PSG1: variants seen among roughly 807,000 people sequenced by gnomAD.
The protein encoded by PSG1 is pregnancy specific beta-1-glycoprotein 1.
PSG1 carries 60 observed loss-of-function variants against 41.4 expected under a neutral mutation model. The ratio of observed to expected loss-of-function variants is 1.45; its 90% confidence interval spans 1.18 to 1.80. The LOEUF (loss-of-function observed/expected upper bound fraction) is 1.80, where lower values mean the gene tolerates loss of function less well. Ranked by LOEUF, PSG1 falls within the 40% of genes most tolerant of loss-of-function variation. The pLI is 0.00. For missense variants in PSG1, 806 were observed against 516.9 expected (o/e 1.56, Z -5.42); for synonymous variants, 256 against 192.9 (o/e 1.33, Z -2.71).
intron 5 of PSG1, chr19:42,867,398 T>C (rs971373993): frequency 8.7e-6 from 5 of 574,268 alleles, no homozygotes; most frequent in African/African-American, 7.5e-5. Context: ...AATTTTCTTT[T>C]CTCTAAGTTT....
intron 2 of PSG1, among the ~76,000 whole-genome samples, chr19:42,872,963 G>A (rs1338698329): frequency 4.0e-5 from 6 of 151,736 alleles, no homozygotes; most frequent in African/African-American, 1.5e-4. Flanking sequence ...AAGAAGTCTT[G>A]CAGATACTTT....
chr19:42,868,496 G>A (rs932682057), intron 4 of PSG1, 141 bp from the exon 5 acceptor site: 27 of 1,486,524 alleles, frequency 1.8e-5, no homozygotes, highest in African/African-American at 9.9e-5. Context: ...TCACTGAGCC[G>A]AATCCTGAGG....
chr19:42,868,238 T>C lies in PSG1; in HGVS notation c.1106A>G (p.Asn369Ser), dbSNP rs775684159. 1 of 1,612,318 alleles carries C rather than the reference T, an allele frequency of 6.2e-7. No homozygotes were observed. Among genetic ancestry groups the C allele is most frequent in the Non-Finnish European group, 8.5e-7 (1 of 1,179,144 alleles). ...NPPAQYSWTI[N>S]EKFQLPGQKL... ...TTGTCCTGGTAGCTGAAACTTTTCATTAATTGTCCAAGAATACTGTGCCGG... is the reference window on the plus strand; with the variant it reads ...TTGTCCTGGTAGCTGAAACTTTTCACTAATTGTCCAAGAATACTGTGCCGG... Residue 369 changes from asparagine (N) to serine (S), a missense_variant, in exon 5 of 6, where the codon AAT becomes AGT. Coordinates refer to ENST00000436291, the MANE Select transcript of PSG1 (RefSeq NM_001184825.2).
At chr19:42,868,574 C>T (rs1160213024) in intron 4 of PSG1, among the ~76,000 whole-genome samples, 182 bp downstream of exon 4, 17 of 151,270 alleles carry the variant, frequency 1.1e-4, no homozygotes, top group African/African-American at 4.1e-4. Flanking sequence ...ATCCCCTCCC[C>T]TTATATTCTT....
intron 2 of PSG1, chr19:42,873,992 T>G (rs1217339805): frequency 6.6e-6 from 1 of 151,508 alleles, no homozygotes; most frequent in Non-Finnish European, 1.5e-5. Flanking sequence ...GATCTCCAAC[T>G]TATGAAAATG....
intron 2 of PSG1, among the ~76,000 whole-genome samples, chr19:42,874,918 G>T (rs761125087): frequency 6.6e-6 from 1 of 151,604 alleles, no homozygotes; most frequent in Non-Finnish European, 1.5e-5. Flanking sequence ...TTTACTTAGC[G>T]TTAGAAACCA....
chr19:42,875,824 G>GT (rs5828150), intron 2 of PSG1, among the ~76,000 whole-genome samples: 26,540 of 128,772 alleles, frequency 0.21, 3,319 homozygotes, highest in Non-Finnish European at 0.26. Flanking sequence ...TTATTTATTT[G>GT]TTTTTTTTTT....
At chr19:42,871,033 G>C (rs1971360567) in intron 3 of PSG1, among the ~76,000 whole-genome samples, 1 of 151,522 alleles carries the variant, frequency 6.6e-6, no homozygotes, top group Non-Finnish European at 1.5e-5. Context: ...TTTGCAGAGG[G>C]CAGGTGGCTC....
intron 2 of PSG1, among the ~76,000 whole-genome samples, chr19:42,876,220 G>A (rs1189582615): frequency 6.6e-6 from 1 of 151,496 alleles, no homozygotes; most frequent in African/African-American, 2.4e-5. Flanking sequence ...GGGACACAGA[G>A]AAGCAGAGAG....
intron 2 of PSG1, among the ~76,000 whole-genome samples, chr19:42,877,501 G>T (rs1223444792): frequency 2.0e-5 from 3 of 151,722 alleles, no homozygotes; most frequent in African/African-American, 7.3e-5. Flanking sequence ...TCTGGAACAA[G>T]GATTTAGGGA....
chr19:42,868,721 G>A (rs574115938), intron 4 of PSG1, 35 bp downstream of exon 4: 2 of 1,607,790 alleles, frequency 1.2e-6, no homozygotes, highest in South Asian at 1.1e-5. Flanking sequence ...ATTTAAGCTG[G>A]TGTCCTGGCC....
intron 2 of PSG1, among the ~76,000 whole-genome samples, chr19:42,875,050 G>C (rs767305706): frequency 6.6e-6 from 1 of 151,692 alleles, no homozygotes; most frequent in Non-Finnish European, 1.5e-5. Flanking sequence ...AGCCCATGGG[G>C]TTTGGGGACA....
rs1490997283 is a variant in PSG1, at chr19:42,868,930, T to C, written c.814A>G (p.Ile272Val). The change falls in exon 4 of 6, where the codon ATT becomes GTT. Residue 272 changes from isoleucine to valine, a missense_variant. Transcript: ENST00000436291. The part of the protein sequence containing the change: ...CEPKSENYTY[I>V]WWLNGQSLPV... ...AGGCTCTGACCATTTAGCCACCAAA[T>C]GTAGGTGTAGTTCTCACTCTTAGGT... is the stretch of plus-strand genomic sequence containing the variant. The C allele has an allele frequency of 2.5e-6, 4 of 1,610,562 alleles. No homozygotes were observed. Among genetic ancestry groups the C allele is most frequent in the East Asian group, 4.5e-5 (2 of 44,794 alleles).
chr19:42,868,570 T>A (rs888195319), intron 4 of PSG1, among the ~76,000 whole-genome samples, 186 bp downstream of exon 4: 4 of 151,124 alleles, frequency 2.6e-5, no homozygotes, highest in Non-Finnish European at 4.4e-5. Flanking sequence ...GAGCATCCCC[T>A]CCCCTTATAT....
Position 42,879,562 on chromosome 19 carries a change from G to A in PSG1, c.20C>T (p.Pro7Leu). 3 of 1,610,742 alleles carry A rather than the reference G, an allele frequency of 1.9e-6. No individual in the cohort carries two copies. The highest frequency in any genetic ancestry group is 4.5e-5 in the East Asian group (2 of 44,654). ...CCATTTGATGCGCTGTGTGCAGGGA[G>A]GGGCTGAGAGGGTTCCCATGGTCTC... MGTLSAPPCTQRIKWKG... is the reference protein window; with the variant it reads MGTLSALPCTQRIKWKG... Residue 7 changes from proline (P) to leucine (L), a missense_variant, in exon 1 of 6, where the codon CCT (proline) becomes CTT (leucine). Physicochemically the swap from Pro to Leu is moderately conservative, Grantham distance 98. Transcript: ENST00000436291.
At chr19:42,868,478 C>G (rs548175794) in intron 4 of PSG1, 123 bp from the exon 5 acceptor site, 1 of 1,483,356 alleles carries the variant, frequency 6.7e-7, no homozygotes, top group African/African-American at 1.4e-5. Context: ...GCCCAACCCC[C>G]TCTATGTTCA....
In PSG1 at chr19:42,879,629, C is replaced by G; in HGVS notation, c.-48G>C. Reference sequence around the variant, plus strand: ...TCCTCTGTGGAGATAAGCCTAGGATCCAGAAACTCTCTGAGCACGGCTGTC... The same window carrying G: ...TCCTCTGTGGAGATAAGCCTAGGATGCAGAAACTCTCTGAGCACGGCTGTC... On this transcript the variant is annotated 5_prime_UTR_variant, in exon 1 of 6. Transcript: ENST00000436291. The G allele has an allele frequency of 6.2e-7, 1 of 1,603,550 alleles. No individual in the cohort carries two copies. The highest frequency in any genetic ancestry group is 2.3e-5 in the East Asian group (1 of 44,320).
At chr19:42,871,618 G>T in intron 3 of PSG1, 149 bp downstream of exon 3, 1 of 1,578,994 alleles carries the variant, frequency 6.3e-7, no homozygotes, top group Non-Finnish European at 8.7e-7. Context: ...GGTCTACTCT[G>T]GTTTGCCTGG....
At chr19:42,874,466 C>G (rs1971522589) in intron 2 of PSG1, among the ~76,000 whole-genome samples, 1 of 151,624 alleles carries the variant, frequency 6.6e-6, no homozygotes, top group Non-Finnish European at 1.5e-5. Context: ...CCTGCCTTGG[C>G]CTCCCAAGTA....
Sources: gnomAD v4.1 joint callset for allele counts (sites outside exome capture counted in the v4.1 genomes callset) on GRCh38, gnomAD v4.1.1 for gene constraint, MANE v1.5 for transcripts, NCBI Gene and HGNC (gene_info 2026-07-23, HGNC 2026-07-21) for gene names.